PTGER3: variants seen among roughly 807,000 people sequenced by gnomAD.
PTGER3 encodes the protein prostaglandin E receptor 3, also known as prostaglandin E2 receptor EP3 subtype.
PTGER3 carries 22 observed loss-of-function variants against 34.7 expected under a neutral mutation model. The ratio of observed to expected loss-of-function variants is 0.63; its 90% CI spans 0.45 to 0.91. PTGER3 has a LOEUF of 0.91. Ranked by LOEUF, PTGER3 falls within the 40% of genes least tolerant of loss-of-function variation. The pLI is 0.00. For missense variants in PTGER3, 468 were observed against 519.4 expected (o/e 0.90, Z 0.96); for synonymous variants, 241 against 230.1 (o/e 1.05, Z -0.43).
chr1:70,968,626 A>G (rs750417370), downstream of PTGER3, among the ~76,000 whole-genome samples: 7 of 152,030 alleles, frequency 4.6e-5, no homozygotes, highest in Non-Finnish European at 1.0e-4. Flanking sequence ...CAATGGATAC[A>G]TTTGTCTAGA....
At chr1:71,018,862 T>A (rs945640518) in intron 1 of PTGER3, among the ~76,000 whole-genome samples, 1 of 152,266 alleles carries the variant, frequency 6.6e-6, no homozygotes, top group African/African-American at 2.4e-5. Flanking sequence ...GAGAATGCAA[T>A]GATTCTGAAA....
At position 71,047,453 on chromosome 1, in the gene PTGER3, C is replaced by T; in HGVS notation, c.125G>A (p.Gly42Glu). ...EARGNLTRPP[G>E]SGEDCGSVSV... Reference sequence around the variant, plus strand: ...CACCGATCCGCAATCCTCGCCAGACCCTGGAGGGCGCGTGAGGTTGCCCCG... The same window carrying T: ...CACCGATCCGCAATCCTCGCCAGACTCTGGAGGGCGCGTGAGGTTGCCCCG... The change falls in exon 1 of 4, where the codon GGG (glycine) becomes GAG (glutamate). Residue 42 changes from glycine to glutamate, a missense_variant. This residue lies in a region of PTGER3 where 151 missense variants were observed against 133.5 expected (regional missense o/e 1.13). Coordinates refer to ENST00000306666, the MANE Select transcript of PTGER3 (RefSeq NM_198719.2). 6.2e-7 allele frequency: 1 copy of T among 1,610,724 alleles called. No homozygotes were observed. The highest frequency in any genetic ancestry group is 1.3e-5 in the African/African-American group (1 of 75,056).
chr1:70,902,282 G>C (rs979055513), intron 4 of PTGER3, among the ~76,000 whole-genome samples: 9 of 152,180 alleles, frequency 5.9e-5, no homozygotes, highest in South Asian at 2.1e-4. Flanking sequence ...GCCTCCACAG[G>C]GTAGTAGACC....
At chr1:70,991,164 A>C (rs1266056473) in intron 2 of PTGER3, among the ~76,000 whole-genome samples, 1 of 152,118 alleles carries the variant, frequency 6.6e-6, no homozygotes, top group African/African-American at 2.4e-5. Flanking sequence ...ATCTAGAAAA[A>C]CAAGACACTC....
At chr1:70,938,397 G>A (rs1649436217) in intron 4 of PTGER3, among the ~76,000 whole-genome samples, 1 of 151,950 alleles carries the variant, frequency 6.6e-6, no homozygotes, top group African/African-American at 2.4e-5. Context: ...GGTTCTCACT[G>A]AAAAAGAATT....
At chr1:70,888,967 A>G (rs906491024) in intron 4 of PTGER3, among the ~76,000 whole-genome samples, 2 of 150,822 alleles carry the variant, frequency 1.3e-5, no homozygotes, top group Non-Finnish European at 2.9e-5. Context: ...GGAGTGTAGT[A>G]GGTTTTTTAG....
chr1:70,852,842 A>T, exon 5 of PTGER3: 1 of 1,613,606 alleles, frequency 6.2e-7, no homozygotes, highest in Non-Finnish European at 8.5e-7. Flanking sequence ...GCAGGTTTTA[A>T]TTTCCCCAAA....
intron 1 of PTGER3, among the ~76,000 whole-genome samples, chr1:71,046,459 A>C (rs1557775948): frequency 2.6e-5 from 4 of 152,170 alleles, no homozygotes; most frequent in South Asian, 2.1e-4. Flanking sequence ...TGTGCTCATA[A>C]ACAGTGCCTA....
At chr1:71,032,930 A>G (rs537985559) in intron 1 of PTGER3, among the ~76,000 whole-genome samples, 1 of 152,316 alleles carries the variant, frequency 6.6e-6, no homozygotes, top group East Asian at 1.9e-4. Flanking sequence ...TAGCCTGGAA[A>G]TCAGCATGCT....
chr1:71,020,431 G>A (rs1572949930), intron 1 of PTGER3, among the ~76,000 whole-genome samples: 1 of 152,040 alleles, frequency 6.6e-6, no homozygotes, highest in East Asian at 1.9e-4. Flanking sequence ...AAATTTATTA[G>A]TAAGCAGTGG....
chr1:70,986,918 T>C (rs776931092), intron 2 of PTGER3, among the ~76,000 whole-genome samples: 1 of 152,196 alleles, frequency 6.6e-6, no homozygotes, highest in Non-Finnish European at 1.5e-5. Context: ...TCCTAGCTCC[T>C]GCTCCAGCCA....
intron 2 of PTGER3, among the ~76,000 whole-genome samples, chr1:71,004,128 T>C (rs1302397111): frequency 6.6e-6 from 1 of 152,238 alleles, no homozygotes; most frequent in Non-Finnish European, 1.5e-5. Flanking sequence ...GTATGTTATA[T>C]TCAAAGCCTT....
chr1:70,963,828 A>G (rs1039894401), intron 2 of PTGER3, among the ~76,000 whole-genome samples: 2 of 152,024 alleles, frequency 1.3e-5, no homozygotes, highest in Admixed American at 6.5e-5. Flanking sequence ...GCAGGCTTGA[A>G]TTTCTCCCCA....
chr1:70,892,855 A>G (rs1028205819), intron 4 of PTGER3, among the ~76,000 whole-genome samples: 14 of 150,416 alleles, frequency 9.3e-5, no homozygotes, highest in African/African-American at 3.2e-4. Context: ...AAAAAAAAAA[A>G]GAAAGAAAAA....
chr1:70,868,152 C>T (rs773342286), intron 4 of PTGER3, among the ~76,000 whole-genome samples: 2 of 151,978 alleles, frequency 1.3e-5, no homozygotes, highest in African/African-American at 2.4e-5. Flanking sequence ...TGTACCTTCA[C>T]CCAGTCCCGT....
intron 4 of PTGER3, among the ~76,000 whole-genome samples, chr1:70,870,523 G>A (rs1451560120): frequency 6.6e-6 from 1 of 152,184 alleles, no homozygotes; most frequent in Non-Finnish European, 1.5e-5. Flanking sequence ...ACATGGCTAG[G>A]CTGAGAAATC....
At chr1:71,037,996 G>A (rs1031649954) in intron 1 of PTGER3, among the ~76,000 whole-genome samples, 1 of 152,176 alleles carries the variant, frequency 6.6e-6, no homozygotes, top group African/African-American at 2.4e-5. Context: ...ACCCAAATAA[G>A]GTTGTTGGTA....
intron 4 of PTGER3, among the ~76,000 whole-genome samples, chr1:70,874,300 C>T (rs868319828): frequency 5.9e-5 from 9 of 152,106 alleles, no homozygotes; most frequent in African/African-American, 1.2e-4. Context: ...CCTTCAGGAC[C>T]GGAGAGAATT....
chr1:70,939,932 T>G (rs1473086163), intron 4 of PTGER3, among the ~76,000 whole-genome samples: 1 of 152,238 alleles, frequency 6.6e-6, no homozygotes, highest in Non-Finnish European at 1.5e-5. Context: ...TTTCTCTAGC[T>G]GGCTTGAATT....
Sources: allele counts gnomAD v4.1 joint callset (sites outside exome capture counted in the v4.1 genomes callset), GRCh38; gene constraint gnomAD v4.1.1; regional missense constraint gnomAD v4.1.1; transcripts MANE v1.5; gene names NCBI Gene and HGNC (gene_info 2026-07-23, HGNC 2026-07-21).